TSHZ3: variants seen among roughly 807,000 people sequenced by gnomAD.
The protein encoded by TSHZ3 is teashirt zinc finger homeobox 3.
In TSHZ3, 10 loss-of-function variants were observed where a neutral mutation model predicts 64.5. The observed-to-expected ratio is 0.16, with a 90% CI of 0.10 to 0.26. TSHZ3 has a LOEUF of 0.26. Ranked by LOEUF, TSHZ3 falls within the 10% of genes least tolerant of loss-of-function variation. The probability of loss-of-function intolerance (pLI) is 1.00; values close to 1 mark genes in which losing one functional copy is unlikely to be tolerated. For missense variants in TSHZ3, 1,242 were observed against 1,421.7 expected, an observed-to-expected ratio of 0.87 and a Z score of 2.03; for synonymous variants, 608 against 593.1, an observed-to-expected ratio of 1.03 and a Z score of -0.36.
chr19:31,348,680 C>T (rs941720636), intron 1 of TSHZ3, among the ~76,000 whole-genome samples: 2 of 152,194 alleles, frequency 1.3e-5, no homozygotes, highest in South Asian at 4.1e-4. Flanking sequence ...CCGCTGTGCC[C>T]AGTTTGGGCC....
chr19:31,172,283 T>C (rs115149547), intron 5 of TSHZ3, among the ~76,000 whole-genome samples: 2,268 of 152,284 alleles, frequency 0.015, 62 homozygotes, highest in African/African-American at 0.051. Flanking sequence ...TGCTCATCTG[T>C]AAAATGGGGG....
intron 1 of TSHZ3, among the ~76,000 whole-genome samples, chr19:31,251,676 T>C (rs1221276652): frequency 6.6e-6 from 1 of 152,210 alleles, no homozygotes; most frequent in Non-Finnish European, 1.5e-5. Flanking sequence ...GGCACTTCTT[T>C]GGCCACCTAG....
Position 31,279,570 on chromosome 19 carries a change from C to T in TSHZ3, c.223G>A (p.Glu75Lys), listed in dbSNP as rs922587024. Residue 75 changes from glutamate to lysine, a missense_variant, in exon 2 of 2, where the codon GAG becomes AAG. Glu to Lys is a moderately conservative substitution (Grantham distance 56). Around this residue, in one of 4 missense-constraint regions of TSHZ3, gnomAD observed 555 missense variants for 704.0 expected, o/e 0.79. Coordinates refer to ENST00000240587, the MANE Select transcript of TSHZ3 (RefSeq NM_020856.4). This position sits in a 1 kb window ranked among gnomAD's most constrained non-coding sequence, Gnocchi z 6.4. ...AEFSCHEMDS[E>K]SHISETSDRM... ...TCACTGGTCTCACTGATGTGTGACT[C>T]GCTGTCCATTTCATGGCAGGAAAAC... is the stretch of plus-strand genomic sequence containing the variant. 4.3e-6 allele frequency: 7 copies of T among 1,610,688 alleles called. No homozygotes were observed. The highest frequency in any genetic ancestry group is 1.7e-5 in the Admixed American group (1 of 59,874).
intron 1 of TSHZ3, among the ~76,000 whole-genome samples, chr19:31,322,442 AC>A (rs1464937045): frequency 6.6e-6 from 1 of 151,446 alleles, no homozygotes; most frequent in African/African-American, 2.4e-5. Context: ...TTTTTTAGAG[AC>A]TAGGTCTCAC....
At chr19:31,228,485 C>T (rs1975500565) in intron 3 of TSHZ3, among the ~76,000 whole-genome samples, 2 of 147,002 alleles carry the variant, frequency 1.4e-5, no homozygotes, top group African/African-American at 2.5e-5. Context: ...GAGATCACAC[C>T]ACTGTACTCC....
downstream of TSHZ3, among the ~76,000 whole-genome samples, chr19:31,270,638 A>T (rs886365559): frequency 1.3e-5 from 2 of 152,108 alleles, no homozygotes; most frequent in African/African-American, 2.4e-5. Flanking sequence ...TTCTATGATG[A>T]TGGGAATGCT....
intron 5 of TSHZ3, among the ~76,000 whole-genome samples, chr19:31,177,034 G>A (rs1177510951): frequency 6.6e-6 from 1 of 152,176 alleles, no homozygotes; most frequent in African/African-American, 2.4e-5. Flanking sequence ...CCTGGCAGAA[G>A]TATGTGCATA....
chr19:31,266,561 G>A (rs765462287), intron 1 of TSHZ3, among the ~76,000 whole-genome samples: 1 of 151,976 alleles, frequency 6.6e-6, no homozygotes, highest in African/African-American at 2.4e-5. Context: ...CCATTAACAC[G>A]ACCCTTTTCA....
chr19:31,169,622 T>G (rs1351573021), intron 5 of TSHZ3, among the ~76,000 whole-genome samples: 3 of 152,144 alleles, frequency 2.0e-5, no homozygotes, highest in Non-Finnish European at 4.4e-5. Context: ...GGCAAATTTC[T>G]TATTATGTGT....
Position 31,277,917 on chromosome 19 carries a change from C to G in TSHZ3, c.1876G>C (p.Glu626Gln). The G allele has an allele frequency of 6.2e-7, 1 of 1,614,204 alleles. No homozygotes were observed. The highest frequency in any genetic ancestry group is 8.5e-7 in the Non-Finnish European group (1 of 1,180,018). ...TTCCCATCCGGCTCCTTCATCTTCT[C>G]CTCCACTTTGGCAACTTTCTCAGTG... ...KVTEKVAKVEEKMKEPDGKLS... is the reference protein window; with the variant it reads ...KVTEKVAKVEQKMKEPDGKLS... The change falls in exon 2 of 2, where the codon GAG becomes CAG. Residue 626 changes from glutamate (E) to glutamine (Q), a missense_variant. By Grantham distance (29) the Glu-to-Gln change is conservative. Around this residue, in one of 4 missense-constraint regions of TSHZ3, gnomAD observed 550 missense variants for 545.1 expected, o/e 1.01. Transcript: ENST00000240587. This position sits in a 1 kb window ranked among gnomAD's most constrained non-coding sequence, Gnocchi z 4.5.
intron 1 of TSHZ3, among the ~76,000 whole-genome samples, chr19:31,256,791 G>A (rs1414138555): frequency 6.6e-6 from 1 of 152,176 alleles, no homozygotes; most frequent in Admixed American, 6.5e-5. Flanking sequence ...TGAGGCTGCA[G>A]CTCTCACTGA....
chr19:31,216,236 T>G (rs1056087847), intron 4 of TSHZ3, among the ~76,000 whole-genome samples: 3 of 152,114 alleles, frequency 2.0e-5, no homozygotes, highest in Admixed American at 1.3e-4. Context: ...AGAAATTCAT[T>G]TTAGGCCTTT....
chr19:31,204,354 C>T (rs1975132859), intron 5 of TSHZ3, among the ~76,000 whole-genome samples: 1 of 150,794 alleles, frequency 6.6e-6, no homozygotes, highest in African/African-American at 2.4e-5. Context: ...TCCCTCCCGT[C>T]CTTCCTCTCT....
intron 1 of TSHZ3, among the ~76,000 whole-genome samples, chr19:31,321,390 T>C (rs1916766711): frequency 6.6e-6 from 1 of 152,234 alleles, no homozygotes; most frequent in African/African-American, 2.4e-5. Flanking sequence ...GGTGGCGTCA[T>C]CACATGGCTC....
At chr19:31,216,769 G>C (rs1167337933) in intron 4 of TSHZ3, among the ~76,000 whole-genome samples, 1 of 151,916 alleles carries the variant, frequency 6.6e-6, no homozygotes, top group East Asian at 1.9e-4. Flanking sequence ...CGAGTAGCTG[G>C]GACCACAGGT....
At chr19:31,228,086 T>C (rs1480440266) in exon 4 of TSHZ3, among the ~76,000 whole-genome samples, 2 of 152,182 alleles carry the variant, frequency 1.3e-5, no homozygotes, top group Non-Finnish European at 2.9e-5. Flanking sequence ...TCTAGAGTCA[T>C]CTTCTTAAAC....
At chr19:31,224,168 A>G (rs1462863840) in intron 4 of TSHZ3, among the ~76,000 whole-genome samples, 1 of 152,234 alleles carries the variant, frequency 6.6e-6, no homozygotes, top group Non-Finnish European at 1.5e-5. Flanking sequence ...TTCTGGCACC[A>G]TGAAAAGCAT....
intron 4 of TSHZ3, among the ~76,000 whole-genome samples, chr19:31,225,028 C>T (rs1599592440): frequency 1.3e-5 from 2 of 152,310 alleles, no homozygotes; most frequent in South Asian, 2.1e-4. Flanking sequence ...TGGCTGGAGG[C>T]CTCTGGAGAA....
At chr19:31,327,847 G>A (rs539907660) in intron 1 of TSHZ3, among the ~76,000 whole-genome samples, 20 of 152,268 alleles carry the variant, frequency 1.3e-4, no homozygotes, top group Admixed American at 3.9e-4. Context: ...ATAAAGAAAT[G>A]AGAAAATGAA....
Sources: gnomAD v4.1 joint callset for allele counts (sites outside exome capture counted in the v4.1 genomes callset) on GRCh38, gnomAD v4.1.1 for gene constraint, gnomAD v4.1.1 regional missense constraint, Gnocchi (gnomAD v3.1) non-coding constraint, MANE v1.5 for transcripts, NCBI Gene and HGNC (gene_info 2026-07-23, HGNC 2026-07-21) for gene names.